CNTNAP2: variants seen among roughly 807,000 people sequenced by gnomAD.
CNTNAP2 encodes the protein contactin associated protein 2.
CNTNAP2 carries 98 observed loss-of-function variants against 155.2 expected under a neutral mutation model. The observed-to-expected ratio is 0.63, with a 90% CI of 0.54 to 0.75. The LOEUF is 0.75. CNTNAP2 is among the 30% of genes least tolerant of loss of function. The pLI, the probability that CNTNAP2 is intolerant of heterozygous loss-of-function variation, is 0.00. For synonymous variants in CNTNAP2, 651 were observed against 631.2 expected (o/e 1.03, Z -0.47); for missense variants, 1,727 against 1,688.1 (o/e 1.02, Z -0.40).
Position 147,265,215 on chromosome 7 carries a change from T to A in CNTNAP2, c.1349-34926T>A, listed in dbSNP as rs540135584. 2.6e-5 allele frequency among the ~76,000 whole-genome samples: 4 copies of A among 152,282 alleles called. No homozygotes were observed. The East Asian group carries it at 5.8e-4, about 22-fold the overall frequency. ...TTTTTTAATTTTATTGTATTTTAAG[T>A]TCTCGGATACATGTGCAGGACGTGC... On this transcript the variant is annotated intron_variant, in intron 8 of 23. Coordinates refer to ENST00000361727, the MANE Select transcript of CNTNAP2 (RefSeq NM_014141.6).
In CNTNAP2 at chr7:146,757,714, G is replaced by A. The variant is rs1462684319; in HGVS notation, c.98-16557G>A. Reference sequence around the variant, plus strand: ...GCTTCAGTAAAAATATAGGTGTTGGGAAAATAGTACAGTGATTTCCATGAG... The same window carrying A: ...GCTTCAGTAAAAATATAGGTGTTGGAAAAATAGTACAGTGATTTCCATGAG... On this transcript the variant is annotated intron_variant, in intron 1 of 23. Transcript: ENST00000361727. Among the ~76,000 whole-genome samples, 9 of 152,224 alleles carry A rather than the reference G, an allele frequency of 5.9e-5. No individual in the cohort carries two copies. In the South Asian group the frequency reaches 1.9e-3, roughly 32 times the overall value.
In CNTNAP2 at chr7:146,211,732, A is replaced by C. The variant is rs370876537; in HGVS notation, c.97+94759A>C. Among the ~76,000 whole-genome samples the C allele has an allele frequency of 3.9e-5, 6 of 152,164 alleles. No homozygotes were observed. In the East Asian group the frequency reaches 9.6e-4, roughly 24 times the overall value. On this transcript the variant is annotated intron_variant, in intron 1 of 23. Transcript: ENST00000361727. ...GAATTAGTGAGTCAAACATGAGGAAATACTATAAACTAGAGACAGCAGACC... is the reference window on the plus strand; with the variant it reads ...GAATTAGTGAGTCAAACATGAGGAACTACTATAAACTAGAGACAGCAGACC...
Position 146,644,498 on chromosome 7 carries a change from A to G in CNTNAP2, c.98-129773A>G, listed in dbSNP as rs535196644. Among the ~76,000 whole-genome samples, 11 of 152,252 alleles carry G rather than the reference A, an allele frequency of 7.2e-5. No individual in the cohort carries two copies. In the East Asian group the frequency reaches 2.1e-3, roughly 29 times the overall value. On this transcript the variant is annotated intron_variant, in intron 1 of 23. Transcript: ENST00000361727. The stretch of plus-strand genomic sequence containing the variant: ...GTTGAACCAGCCTTGCATCCCAGGG[A>G]TGAAGCCCTCTTGATCATGGTGGAT...
At chr7:148,002,837 A>G (rs1801920410) in intron 15 of CNTNAP2, among the ~76,000 whole-genome samples, 1 of 152,190 alleles carries the variant, frequency 6.6e-6, no homozygotes, top group African/African-American at 2.4e-5. Context: ...AGGGAGCTCA[A>G]GTAATACTGT....
At chr7:147,652,174 T>C (rs1364026820) in intron 13 of CNTNAP2, among the ~76,000 whole-genome samples, 1 of 152,156 alleles carries the variant, frequency 6.6e-6, no homozygotes, top group Non-Finnish European at 1.5e-5. Flanking sequence ...CTGATGGAAG[T>C]TGGATTCTAT....
At chr7:147,300,705 C>G (rs574788123) in intron 9 of CNTNAP2, among the ~76,000 whole-genome samples, 3 of 152,246 alleles carry the variant, frequency 2.0e-5, no homozygotes, top group South Asian at 2.1e-4. Context: ...CTGAGCGAGT[C>G]TTTCATGAGG....
intron 2 of CNTNAP2, among the ~76,000 whole-genome samples, chr7:146,818,671 T>G (rs1803220441): frequency 6.6e-6 from 1 of 152,116 alleles, no homozygotes; most frequent in Non-Finnish European, 1.5e-5. Context: ...AAATAGGAAA[T>G]TTGATAAATG....
intron 18 of CNTNAP2, among the ~76,000 whole-genome samples, chr7:148,204,768 T>A (rs1179742972): frequency 6.6e-6 from 1 of 152,138 alleles, no homozygotes; most frequent in African/African-American, 2.4e-5. Flanking sequence ...ACAGCTAGAG[T>A]TTGCACAATC....
At chr7:146,211,633 G>A (rs547891220) in intron 1 of CNTNAP2, among the ~76,000 whole-genome samples, 2 of 152,140 alleles carry the variant, frequency 1.3e-5, no homozygotes, top group East Asian at 3.9e-4. Context: ...TAAAATATTA[G>A]AGTTCCATAT....
intron 13 of CNTNAP2, among the ~76,000 whole-genome samples, chr7:147,703,554 C>G (rs1009907341): frequency 6.6e-6 from 1 of 152,094 alleles, no homozygotes; most frequent in East Asian, 1.9e-4. Context: ...TCTGTGTATT[C>G]AAAGCAGTTG....
chr7:147,605,923 G>T (rs1483561808), intron 12 of CNTNAP2, among the ~76,000 whole-genome samples: 1 of 151,734 alleles, frequency 6.6e-6, no homozygotes, highest in Non-Finnish European at 1.5e-5. Flanking sequence ...CTCTGTGTGT[G>T]TGTGTGTTTG....
At chr7:147,218,535 A>G (rs1803324514) in intron 8 of CNTNAP2, among the ~76,000 whole-genome samples, 1 of 150,724 alleles carries the variant, frequency 6.6e-6, no homozygotes, top group East Asian at 1.9e-4. Context: ...CTTAATCTCC[A>G]TGTATTTTAG....
At chr7:147,569,093 A>G (rs1290385872) in intron 12 of CNTNAP2, among the ~76,000 whole-genome samples, 2 of 152,026 alleles carry the variant, frequency 1.3e-5, no homozygotes, top group Non-Finnish European at 2.9e-5. Flanking sequence ...GCTTGTTTAC[A>G]TAATTTGTGC....
intron 11 of CNTNAP2, among the ~76,000 whole-genome samples, chr7:147,498,570 G>C (rs146679921): frequency 6.6e-6 from 1 of 152,270 alleles, no homozygotes; most frequent in Non-Finnish European, 1.5e-5. Flanking sequence ...ATAGTATAGA[G>C]GAGAAATTTA....
intron 5 of CNTNAP2, among the ~76,000 whole-genome samples, chr7:147,110,408 G>A (rs533706114): frequency 8.1e-4 from 122 of 151,486 alleles, no homozygotes; most frequent in African/African-American, 2.8e-3. Context: ...TGGGCAGGAT[G>A]TACAACTTTG....
At chr7:147,317,542 C>T (rs933272403) in intron 9 of CNTNAP2, among the ~76,000 whole-genome samples, 2 of 152,182 alleles carry the variant, frequency 1.3e-5, no homozygotes, top group African/African-American at 4.8e-5. Flanking sequence ...CTACTATTTC[C>T]TCTGTCTGGA....
At chr7:146,714,364 A>G (rs2129175878) in intron 1 of CNTNAP2, among the ~76,000 whole-genome samples, 1 of 152,338 alleles carries the variant, frequency 6.6e-6, no homozygotes, top group South Asian at 2.1e-4. Flanking sequence ...TGAGTAGACC[A>G]ACCCTAGAAA....
intron 11 of CNTNAP2, among the ~76,000 whole-genome samples, chr7:147,535,105 G>T (rs1231028044): frequency 1.3e-5 from 2 of 152,078 alleles, no homozygotes; most frequent in Non-Finnish European, 2.9e-5. Flanking sequence ...AACAATAGGT[G>T]GCCAAGGCCG....
chr7:146,921,031 C>T (rs1307290907), intron 3 of CNTNAP2, among the ~76,000 whole-genome samples: 1 of 152,098 alleles, frequency 6.6e-6, no homozygotes, highest in African/African-American at 2.4e-5. Flanking sequence ...TCCACTGAAG[C>T]TCAAAGAGCT....
Sources: gnomAD v4.1 joint callset for allele counts (sites outside exome capture counted in the v4.1 genomes callset) on GRCh38, gnomAD v4.1.1 for gene constraint, MANE v1.5 for transcripts, NCBI Gene and HGNC (gene_info 2026-07-23, HGNC 2026-07-21) for gene names.